ABLIM1: variants seen among roughly 807,000 people sequenced by gnomAD.
ABLIM1 encodes the protein actin binding LIM protein 1.
Under a neutral mutation model 107.0 loss-of-function variants are expected in ABLIM1, and 40 were observed. The ratio of observed to expected loss-of-function variants is 0.37; its 90% confidence interval spans 0.29 to 0.49. The LOEUF (loss-of-function observed/expected upper bound fraction) is 0.49, where lower values mean the gene tolerates loss of function less well. ABLIM1 is among the 20% of genes least tolerant of loss of function. The pLI is 0.97. For missense variants in ABLIM1, 857 were observed against 1,008.5 expected, an observed-to-expected ratio of 0.85 and a Z score of 2.04; for synonymous variants, 357 against 357.3, an observed-to-expected ratio of 1.00 and a Z score of 0.01.
In ABLIM1 at chr10:114,682,417, G is replaced by C. The variant is rs549624264; in HGVS notation, c.64+1873C>G. On this transcript the variant is annotated intron_variant, in intron 1 of 23. Transcript: ENST00000369256. ...AAAACATCCGGGAACCAGCTACTGA[G>C]AATAATAAATAAAATGTAAGCAGGG... Among the ~76,000 whole-genome samples the C allele has an allele frequency of 2.6e-5, 4 of 152,188 alleles. No individual in the cohort carries two copies. In the South Asian group the frequency reaches 8.3e-4, roughly 32 times the overall value.
intron 6 of ABLIM1, among the ~76,000 whole-genome samples, chr10:114,498,440 G>A (rs370395814): frequency 6.6e-6 from 1 of 152,082 alleles, no homozygotes; most frequent in East Asian, 1.9e-4. Context: ...TATGCTCCTG[G>A]GAACAGAAAA....
intron 5 of ABLIM1, among the ~76,000 whole-genome samples, chr10:114,546,807 G>A (rs1462348793): frequency 6.6e-6 from 1 of 152,150 alleles, no homozygotes; most frequent in Admixed American, 6.5e-5. Flanking sequence ...TTGAGACAAG[G>A]TCTTACTCAG....
At chr10:114,588,811 A>G (rs1202582953) in intron 2 of ABLIM1, among the ~76,000 whole-genome samples, 1 of 151,336 alleles carries the variant, frequency 6.6e-6, no homozygotes, top group Non-Finnish European at 1.5e-5. Flanking sequence ...GGCCTGAAAT[A>G]CTCTTTCTTT....
chr10:114,502,393 T>G (rs2060551079), intron 6 of ABLIM1: 1 of 152,268 alleles, frequency 6.6e-6, no homozygotes, highest in Non-Finnish European at 1.5e-5. Context: ...AAATTTTACA[T>G]GTTATATCAA....
chr10:114,701,067 T>A (rs755953282), intron 1 of ABLIM1, among the ~76,000 whole-genome samples: 49 of 151,994 alleles, frequency 3.2e-4, no homozygotes, highest in South Asian at 6.2e-4. Context: ...GAATACATTT[T>A]AAAAAAAACT....
chr10:114,431,546 A>G lies in ABLIM1; in HGVS notation c.*4714T>C, dbSNP rs2058860315. 1 of 152,148 alleles carries G rather than the reference A, an allele frequency of 6.6e-6. No individual in the cohort carries two copies. Among genetic ancestry groups the G allele is most frequent in the Non-Finnish European group, 1.5e-5 (1 of 68,020 alleles). 9.4% of individuals were successfully genotyped at this position (152,148 alleles called of 1,614,324 possible). ...GGACAAGTCTGTACATAAAACCCCA[A>G]AAGAACATCAGTTTTGTGGACAATG... On this transcript the variant is annotated 3_prime_UTR_variant, in exon 23 of 23. Transcript: ENST00000533213.
At chr10:114,556,422 C>T (rs1211515580) in intron 4 of ABLIM1, among the ~76,000 whole-genome samples, 3 of 152,186 alleles carry the variant, frequency 2.0e-5, no homozygotes, top group East Asian at 3.8e-4. Flanking sequence ...TAGTTCCAGT[C>T]GGCAAGGGTT....
Position 114,658,145 on chromosome 10 carries a change from CT to C in ABLIM1, c.55del (p.Ser19AlafsTer19). On this transcript the variant is annotated frameshift_variant, in exon 1 of 23. Coordinates refer to ENST00000533213, the MANE Select transcript of ABLIM1 (RefSeq NM_002313.7). LOFTEE classifies it high-confidence loss of function. ...CLGKLCSSEK[S>X]KVTSSERTSA... Reference sequence around the variant, plus strand: ...GGTTCTCTCAGATGAGGTGACTTTGCTTTTCTCAGAGCTGCACAATTTCCCC... The same window carrying C: ...GGTTCTCTCAGATGAGGTGACTTTGCTTTCTCAGAGCTGCACAATTTCCCC... The C allele has an allele frequency of 6.2e-7, 1 of 1,614,054 alleles. No homozygotes were observed. The highest frequency in any genetic ancestry group is 8.5e-7 in the Non-Finnish European group (1 of 1,179,946).
In ABLIM1 at chr10:114,473,821, A is replaced by G. The variant is rs1414690694; in HGVS notation, c.1119+58T>C. On this transcript the variant is annotated intron_variant, in intron 9 of 22. Transcript: ENST00000533213. ...TTTGTTTTGGATTACCCATTCTGCT[A>G]TTACAATCCACTAATTTACCTGTCC... 1.1e-5 allele frequency: 15 copies of G among 1,363,168 alleles called. No homozygotes were observed. The East Asian group carries it at 3.5e-4, about 31-fold the overall frequency. The allele number at this position is 1,363,168 out of a possible 1,614,324, so 84.4% of individuals were successfully genotyped here.
At chr10:114,614,787 C>G (rs1013654258) in intron 1 of ABLIM1, among the ~76,000 whole-genome samples, 3 of 152,104 alleles carry the variant, frequency 2.0e-5, no homozygotes, top group African/African-American at 7.2e-5. Flanking sequence ...GGCGTGGTGG[C>G]TCACGTCTGT....
intron 1 of ABLIM1, among the ~76,000 whole-genome samples, chr10:114,652,726 T>C (rs1409223976): frequency 6.6e-6 from 1 of 152,218 alleles, no homozygotes; most frequent in East Asian, 1.9e-4. Flanking sequence ...GCCAGTCTCT[T>C]GTTTGTTTGT....
At chr10:114,643,579 C>CT (rs34191046) in intron 1 of ABLIM1, among the ~76,000 whole-genome samples, 13,503 of 136,696 alleles carry the variant, frequency 0.099, 630 homozygotes, top group Middle Eastern at 0.14. Context: ...TATCCAGATT[C>CT]TTTTTTTTTT....
chr10:114,745,270 AT>A (rs1404205519), intron 1 of ABLIM1, among the ~76,000 whole-genome samples: 1 of 152,198 alleles, frequency 6.6e-6, no homozygotes, highest in Non-Finnish European at 1.5e-5. Flanking sequence ...TAACTTAAAA[AT>A]ATTTCCTGGC....
chr10:114,525,107 G>A (rs1011344883), intron 6 of ABLIM1, among the ~76,000 whole-genome samples: 2 of 152,220 alleles, frequency 1.3e-5, no homozygotes, highest in Admixed American at 6.5e-5. Context: ...TCACAGCTGG[G>A]GAGGGAGTGC....
At chr10:114,691,320 T>A (rs1301813600) in intron 1 of ABLIM1, among the ~76,000 whole-genome samples, 1 of 152,226 alleles carries the variant, frequency 6.6e-6, no homozygotes, top group Non-Finnish European at 1.5e-5. Context: ...GTTATTTGCA[T>A]GAATTTTTTT....
intron 12 of ABLIM1, among the ~76,000 whole-genome samples, chr10:114,454,130 A>G (rs2062386435): frequency 6.6e-6 from 1 of 152,184 alleles, no homozygotes; most frequent in Non-Finnish European, 1.5e-5. Flanking sequence ...TTCACTTCAA[A>G]GATGAGGCTC....
chr10:114,593,433 T>C (rs1284294647), intron 2 of ABLIM1, among the ~76,000 whole-genome samples: 17 of 152,188 alleles, frequency 1.1e-4, no homozygotes, highest in Non-Finnish European at 4.4e-5. Flanking sequence ...TTGTATTTGT[T>C]ACTGGTTTCT....
intron 1 of ABLIM1, among the ~76,000 whole-genome samples, chr10:114,728,188 A>G (rs1405140151): frequency 1.3e-5 from 2 of 152,238 alleles, no homozygotes; most frequent in Non-Finnish European, 2.9e-5. Context: ...AATTAAAACT[A>G]AAGTAAGATT....
intron 1 of ABLIM1, among the ~76,000 whole-genome samples, chr10:114,615,127 T>C (rs1253858160): frequency 1.3e-5 from 2 of 152,086 alleles, no homozygotes; most frequent in Admixed American, 6.5e-5. Context: ...GTCAACTCAT[T>C]TGTTAAATCC....
Sources: allele counts gnomAD v4.1 joint callset (sites outside exome capture counted in the v4.1 genomes callset), GRCh38; gene constraint gnomAD v4.1.1; transcripts MANE v1.5; gene names NCBI Gene and HGNC (gene_info 2026-07-23, HGNC 2026-07-21).